SMAD6: variants seen among roughly 807,000 people sequenced by gnomAD.
SMAD6 encodes the protein SMAD family member 6, also known as MAD homolog 6.
Under a neutral mutation model 39.4 loss-of-function variants are expected in SMAD6, and 103 were observed. That is an observed-to-expected ratio of 2.62 (90% CI 2.23 to 3.08). The LOEUF (loss-of-function observed/expected upper bound fraction) is 3.08. SMAD6 is among the 30% of genes most tolerant of loss of function. The probability of loss-of-function intolerance (pLI) is 0.00; values close to 1 mark genes in which losing one functional copy is unlikely to be tolerated. For synonymous variants in SMAD6, 445 were observed against 353.3 expected, an observed-to-expected ratio of 1.26 and a Z score of -2.91; for missense variants, 1,104 against 742.9, an observed-to-expected ratio of 1.49 and a Z score of -5.65.
intron 3 of SMAD6, among the ~76,000 whole-genome samples, chr15:66,761,882 T>C (rs1894206297): frequency 6.6e-6 from 1 of 152,178 alleles, no homozygotes; most frequent in Admixed American, 6.5e-5. Flanking sequence ...AAGAATGGCA[T>C]GCCCACCTCA....
intron 3 of SMAD6, among the ~76,000 whole-genome samples, chr15:66,774,695 A>AGG (rs1894435620): frequency 6.6e-6 from 1 of 152,156 alleles, no homozygotes. Flanking sequence ...TTAAGTATCC[A>AGG]GGGTGTGGCT....
chr15:66,730,342 C>G (rs540077480), intron 3 of SMAD6, among the ~76,000 whole-genome samples: 2 of 152,298 alleles, frequency 1.3e-5, no homozygotes, highest in South Asian at 4.1e-4. Context: ...TCATGAAAAG[C>G]CTTCCTTCTC....
At chr15:66,743,835 A>G (rs969291094) in intron 3 of SMAD6, among the ~76,000 whole-genome samples, 1 of 152,204 alleles carries the variant, frequency 6.6e-6, no homozygotes, top group African/African-American at 2.4e-5. Context: ...GCAATACTGA[A>G]AACATTGTCT....
Position 66,703,851 on chromosome 15 carries a change from G to A in SMAD6, c.593G>A (p.Arg198His). Residue 198 changes from arginine (R) to histidine (H), a missense_variant, in exon 1 of 4, where the codon CGC becomes CAC. Coordinates refer to ENST00000288840, the MANE Select transcript of SMAD6 (RefSeq NM_005585.5). ...ACGCTGCTGGAGGCGGTGGAGTCCC[G>A]CGGCGGCGTGCCGGGCGGCTGCGTG... is the stretch of plus-strand genomic sequence containing the variant. ...LDTLLEAVES[R>H]GGVPGGCVLV... 1.5e-6 allele frequency: 2 copies of A among 1,353,798 alleles called. No homozygotes were observed. Among genetic ancestry groups the A allele is most frequent in the East Asian group, 3.4e-5 (1 of 29,348 alleles). The allele number at this position is 1,353,798 out of a possible 1,614,324, so 83.9% of individuals were successfully genotyped here. A position where few individuals can be genotyped will look rare whatever the true frequency, so the allele number is the denominator to read the frequency against.
chr15:66,753,077 T>G (rs1894035650), intron 3 of SMAD6, among the ~76,000 whole-genome samples: 1 of 152,188 alleles, frequency 6.6e-6, no homozygotes, highest in Admixed American at 6.5e-5. Context: ...ATTTTGCAGG[T>G]GAAGTTGAAG....
intron 3 of SMAD6, among the ~76,000 whole-genome samples, chr15:66,778,229 C>T (rs763121765): frequency 1.3e-5 from 2 of 152,152 alleles, no homozygotes; most frequent in South Asian, 4.1e-4. Context: ...TACAGATGTA[C>T]ACCATCATAC....
intron 1 of SMAD6, chr15:66,704,615 CT>C (rs1189323790): frequency 6.6e-6 from 1 of 152,312 alleles, no homozygotes; most frequent in Non-Finnish European, 1.5e-5. Flanking sequence ...TTCGACAAAG[CT>C]TTGCAGGGTA....
At chr15:66,741,753 A>G (rs754009442) in intron 3 of SMAD6, among the ~76,000 whole-genome samples, 1 of 152,154 alleles carries the variant, frequency 6.6e-6, no homozygotes, top group Non-Finnish European at 1.5e-5. Context: ...GGTTTTTAGT[A>G]TATTTGCAAC....
At chr15:66,769,106 G>C (rs117034472) in intron 3 of SMAD6, among the ~76,000 whole-genome samples, 1 of 152,152 alleles carries the variant, frequency 6.6e-6, no homozygotes, top group African/African-American at 2.4e-5. Flanking sequence ...CCTGGTCATC[G>C]AGTGCCGGGT....
At position 66,703,313 on chromosome 15, in the gene SMAD6, G is replaced by A; in HGVS notation, c.55G>A (p.Val19Ile). 6.7e-7 allele frequency: 1 copy of A among 1,488,658 alleles called. No homozygotes were observed. Among genetic ancestry groups the A allele is most frequent in the Non-Finnish European group, 8.9e-7 (1 of 1,118,294 alleles). 92.2% of individuals were successfully genotyped at this position (1,488,658 alleles called of 1,614,324 possible). Residue 19 changes from valine to isoleucine, a missense_variant, in exon 1 of 4, where the codon GTC becomes ATC. Transcript: ENST00000288840. ...LVRRLWRSRV[V>I]PDREEGGSGG... ...GCGGCGACTTTGGCGAAGTCGTGTG[G>A]TCCCCGACCGGGAGGAAGGCGGCAG...
chr15:66,780,729 C>G (rs761001822), intron 3 of SMAD6, among the ~76,000 whole-genome samples: 3 of 152,244 alleles, frequency 2.0e-5, no homozygotes, highest in Non-Finnish European at 4.4e-5. Flanking sequence ...TCCGCAGCAT[C>G]TAGCACACAA....
At chr15:66,755,455 C>T (rs1335724148) in intron 3 of SMAD6, among the ~76,000 whole-genome samples, 1 of 152,176 alleles carries the variant, frequency 6.6e-6, no homozygotes, top group Non-Finnish European at 1.5e-5. Context: ...GTAGATGATT[C>T]CTTCTGCTCA....
intron 2 of SMAD6, 120 bp from the exon 3 acceptor site, chr15:66,716,300 GC>G: frequency 2.7e-6 from 2 of 734,144 alleles, no homozygotes. Context: ...GGAGGGACAT[GC>G]TGCCCTTTGC....
At chr15:66,732,607 C>T (rs1893649296) in intron 3 of SMAD6, among the ~76,000 whole-genome samples, 1 of 152,180 alleles carries the variant, frequency 6.6e-6, no homozygotes, top group Non-Finnish European at 1.5e-5. Context: ...GATGATCCTC[C>T]TGTCTTGGCC....
At chr15:66,750,109 G>T (rs1462405240) in intron 3 of SMAD6, among the ~76,000 whole-genome samples, 1 of 151,990 alleles carries the variant, frequency 6.6e-6, no homozygotes, top group African/African-American at 2.4e-5. Context: ...TGTGGGGGAC[G>T]CAGGGGGCCT....
chr15:66,731,673 T>C (rs1043987231), intron 3 of SMAD6, among the ~76,000 whole-genome samples: 2 of 152,244 alleles, frequency 1.3e-5, no homozygotes, highest in Non-Finnish European at 2.9e-5. Flanking sequence ...TCCAGTTTTT[T>C]TGGCTACAAA....
At chr15:66,722,065 G>C (rs1042940486) in intron 3 of SMAD6, among the ~76,000 whole-genome samples, 1 of 152,234 alleles carries the variant, frequency 6.6e-6, no homozygotes, top group African/African-American at 2.4e-5. Context: ...CAAAGCTCCA[G>C]ATGTTGGTGG....
chr15:66,714,556 T>C (rs1298159566), intron 2 of SMAD6, among the ~76,000 whole-genome samples: 3 of 152,156 alleles, frequency 2.0e-5, no homozygotes, highest in Non-Finnish European at 2.9e-5. Flanking sequence ...GGCCGTATAG[T>C]TCACAAAGCT....
intron 1 of SMAD6, chr15:66,704,485 C>T (rs1280889825): frequency 6.0e-6 from 1 of 167,362 alleles, no homozygotes; most frequent in African/African-American, 2.4e-5. Context: ...ATGCACGTGC[C>T]CTTACCCACA....
Sources: allele counts gnomAD v4.1 joint callset (sites outside exome capture counted in the v4.1 genomes callset), GRCh38; gene constraint gnomAD v4.1.1; transcripts MANE v1.5; gene names NCBI Gene and HGNC (gene_info 2026-07-23, HGNC 2026-07-21).